Variants in CDC14A observed in about 807,000 individuals in gnomAD.
CDC14A encodes cell division cycle 14A.
CDC14A carries 53 observed loss-of-function variants against 74.4 expected under a neutral mutation model. That is an observed-to-expected ratio of 0.71 (90% CI 0.57 to 0.89). The LOEUF (loss-of-function observed/expected upper bound fraction) is 0.89. CDC14A is among the 40% of genes least tolerant of loss of function. CDC14A has a pLI of 0.00. For synonymous variants in CDC14A, 247 were observed against 258.4 expected (o/e 0.96, Z 0.43); for missense variants, 646 against 713.7 (o/e 0.91, Z 1.08).
rs1216003417 is a variant in CDC14A at position 100,464,673 on chromosome 1, A to C, written c.838+1792A>C. Among the ~76,000 whole-genome samples, 10 of 152,290 alleles carry C rather than the reference A, an allele frequency of 6.6e-5. No homozygotes were observed. In the East Asian group the frequency reaches 1.9e-3, roughly 29 times the overall value. The stretch of plus-strand genomic sequence containing the variant: ...AGTAGTTTTATTATTACTACGTCGT[A>C]GAGTTTATCTGTGGATTAGCCATCC... On this transcript the variant is annotated intron_variant, in intron 9 of 15. Coordinates refer to ENST00000336454, the MANE Select transcript of CDC14A (RefSeq NM_003672.4).
chr1:100,487,086 G>A (rs1004131275), intron 11 of CDC14A, among the ~76,000 whole-genome samples: 1 of 152,056 alleles, frequency 6.6e-6, no homozygotes, highest in Non-Finnish European at 1.5e-5. Flanking sequence ...GGAATTTCTG[G>A]ATTTACTTAG....
At chr1:100,444,971 T>C (rs1237488319) in intron 7 of CDC14A, among the ~76,000 whole-genome samples, 1 of 152,078 alleles carries the variant, frequency 6.6e-6, no homozygotes, top group Admixed American at 6.6e-5. Context: ...AGCATTTTAG[T>C]AGTGACAAAG....
chr1:100,374,652 A>T (rs950959537), intron 2 of CDC14A, among the ~76,000 whole-genome samples: 1 of 152,204 alleles, frequency 6.6e-6, no homozygotes, highest in Non-Finnish European at 1.5e-5. Flanking sequence ...CCTAATAGGG[A>T]TGAAATATAC....
intron 2 of CDC14A, among the ~76,000 whole-genome samples, chr1:100,369,575 G>T (rs1157902855): frequency 6.6e-6 from 1 of 151,996 alleles, no homozygotes; most frequent in African/African-American, 2.4e-5. Flanking sequence ...TTTTAATGGG[G>T]TTATTTTTCT....
At chr1:100,454,846 G>C (rs1280109711) in intron 7 of CDC14A, among the ~76,000 whole-genome samples, 1 of 152,060 alleles carries the variant, frequency 6.6e-6, no homozygotes, top group African/African-American at 2.4e-5. Flanking sequence ...TTATCCTCCA[G>C]AGTACAGCTT....
intron 7 of CDC14A, 155 bp downstream of exon 7, chr1:100,443,151 T>C: frequency 1.7e-6 from 1 of 571,718 alleles, no homozygotes; most frequent in South Asian, 2.3e-5. Context: ...CCTTGGTTAT[T>C]TCCTTTGAAT....
intron 4 of CDC14A, among the ~76,000 whole-genome samples, chr1:100,403,868 G>T (rs1659585447): frequency 6.6e-6 from 1 of 152,032 alleles, no homozygotes; most frequent in Non-Finnish European, 1.5e-5. Flanking sequence ...TATCTCATTG[G>T]GCTTAGTTTC....
chr1:100,424,132 C>A, intron 4 of CDC14A, 90 bp from the exon 5 acceptor site: 1 of 901,422 alleles, frequency 1.1e-6, no homozygotes, highest in Non-Finnish European at 1.9e-6. Flanking sequence ...AGCTGTCACT[C>A]AAAGTGGAGG....
intron 15 of CDC14A, among the ~76,000 whole-genome samples, chr1:100,502,917 C>T (rs1648904870): frequency 6.6e-6 from 1 of 152,160 alleles, no homozygotes; most frequent in Non-Finnish European, 1.5e-5. Context: ...TTCCCTTCTC[C>T]TCCCTCCTAA....
chr1:100,480,116 G>A (rs1459465731), intron 10 of CDC14A, among the ~76,000 whole-genome samples: 1 of 152,068 alleles, frequency 6.6e-6, no homozygotes, highest in African/African-American at 2.4e-5. Flanking sequence ...ATTCCAAACA[G>A]AAACTTTGTA....
chr1:100,414,632 A>G (rs1479539352), intron 4 of CDC14A, among the ~76,000 whole-genome samples: 3 of 152,172 alleles, frequency 2.0e-5, no homozygotes, highest in Non-Finnish European at 4.4e-5. Context: ...GAAACTCAGC[A>G]CCAGGAGTTT....
At chr1:100,451,978 G>A (rs2101166126) in intron 7 of CDC14A, among the ~76,000 whole-genome samples, 1 of 152,210 alleles carries the variant, frequency 6.6e-6, no homozygotes, top group East Asian at 1.9e-4. Flanking sequence ...ATATAATAAA[G>A]GCTCAGCAAA....
At position 100,508,775 on chromosome 1, in the gene CDC14A, T is replaced by C. The variant is rs1015718780; in HGVS notation, c.1756-9476T>C. On this transcript the variant is annotated intron_variant, in intron 15 of 15. Transcript: ENST00000336454. This position sits in a 1 kb window ranked among gnomAD's most constrained non-coding sequence, Gnocchi z 4.4. ...GGGGCTTTCGACCTATGTACCCACA[T>C]GAATGGAACACCCAGCCACTTCTGC... Among the ~76,000 whole-genome samples, 4 of 152,212 alleles carry C rather than the reference T, an allele frequency of 2.6e-5. No individual in the cohort carries two copies. The highest frequency in any genetic ancestry group is 1.5e-5 in the Non-Finnish European group (1 of 68,036).
intron 15 of CDC14A, among the ~76,000 whole-genome samples, chr1:100,513,256 A>T (rs1469986563): frequency 1.3e-5 from 2 of 151,636 alleles, no homozygotes; most frequent in African/African-American, 4.9e-5. Context: ...TAAAACTTAA[A>T]ACACTATAGT....
upstream of CDC14A, among the ~76,000 whole-genome samples, chr1:100,349,120 C>T (rs934722698): frequency 6.6e-6 from 1 of 151,986 alleles, no homozygotes; most frequent in Non-Finnish European, 1.5e-5. Flanking sequence ...CGCTTGAACC[C>T]GGGAGGTGGA....
Position 100,494,825 on chromosome 1 carries a change from T to G in CDC14A, c.1145T>G (p.Leu382Ter). The G allele has an allele frequency of 2.5e-6, 4 of 1,604,506 alleles. No homozygotes were observed. Among genetic ancestry groups the G allele is most frequent in the Non-Finnish European group, 3.4e-6 (4 of 1,171,962 alleles). The change falls in exon 12 of 16, where the codon TTA (leucine) becomes TGA (stop). Residue 382 changes from leucine (L) to a stop codon, truncating the protein, a stop_gained. Coordinates refer to ENST00000336454, the MANE Select transcript of CDC14A (RefSeq NM_003672.4). LOFTEE classifies it high-confidence loss of function. ...QNMERFGEDNLEDDDVEMKNG... is the reference protein window; with the variant it reads ...QNMERFGEDN ...ACGTGTATTTTTTTCCAGGATAACTTAGAAGATGATGATGTGGAAATGAAA... is the reference window on the plus strand; with the variant it reads ...ACGTGTATTTTTTTCCAGGATAACTGAGAAGATGATGATGTGGAAATGAAA...
intron 5 of CDC14A, among the ~76,000 whole-genome samples, chr1:100,434,170 C>G (rs115190116): frequency 3.9e-5 from 6 of 152,120 alleles, no homozygotes; most frequent in Non-Finnish European, 5.9e-5. Context: ...ATTTTTATAA[C>G]CACTGTATAA....
At chr1:100,406,453 C>T (rs142605940) in intron 4 of CDC14A, among the ~76,000 whole-genome samples, 29 of 151,948 alleles carry the variant, frequency 1.9e-4, no homozygotes, top group Non-Finnish European at 1.8e-4. Flanking sequence ...AAGTCTTTGC[C>T]CCCTGCCTAT....
intron 7 of CDC14A, among the ~76,000 whole-genome samples, chr1:100,444,686 C>A (rs1025694460): frequency 1.3e-5 from 2 of 152,184 alleles, no homozygotes; most frequent in Admixed American, 6.5e-5. Context: ...GATTACATCT[C>A]ACCTCTGGAG....
Sources: allele counts gnomAD v4.1 joint callset (sites outside exome capture counted in the v4.1 genomes callset), GRCh38; gene constraint gnomAD v4.1.1; non-coding constraint Gnocchi (gnomAD v3.1); transcripts MANE v1.5; gene names NCBI Gene and HGNC (gene_info 2026-07-23, HGNC 2026-07-21).